The following COL23A1 variants were observed in gnomAD, a reference collection of about 807,000 sequenced individuals.
COL23A1 encodes the protein collagen type XXIII alpha 1 chain, also known as collagen alpha-1(XXIII) chain.
COL23A1 carries 97 observed loss-of-function variants against 99.3 expected under a neutral mutation model. The ratio of observed to expected loss-of-function variants is 0.98; its 90% CI spans 0.83 to 1.16. The LOEUF is 1.16. Among genes scored for constraint, COL23A1 ranks in the 50% most tolerant of loss-of-function variants. The pLI, the probability that COL23A1 is intolerant of heterozygous loss-of-function variation, is 0.00. For missense variants in COL23A1, 762 were observed against 757.4 expected (o/e 1.01, Z -0.07); for synonymous variants, 320 against 308.2 (o/e 1.04, Z -0.40).
intron 1 of COL23A1, among the ~76,000 whole-genome samples, chr5:178,563,154 C>G (rs1762687140): frequency 6.6e-6 from 1 of 152,208 alleles, no homozygotes; most frequent in African/African-American, 2.4e-5. Context: ...CTCTGCAAGT[C>G]CTTGACTTGC....
At chr5:178,412,149 G>A (rs1765088313) in intron 2 of COL23A1, among the ~76,000 whole-genome samples, 1 of 152,108 alleles carries the variant, frequency 6.6e-6, no homozygotes, top group Non-Finnish European at 1.5e-5. Context: ...AATAAATCAT[G>A]GTACATTCAC....
chr5:178,365,869 G>A lies in COL23A1; in HGVS notation c.362-58950C>T, dbSNP rs1222735856. ...CTCCTGGCCACATGGGGAGCTCCTC[G>A]AGGGCAAGGCCTGGGAACATCTGGA... On this transcript the variant is annotated intron_variant, in intron 2 of 28. Coordinates refer to ENST00000390654, the MANE Select transcript of COL23A1 (RefSeq NM_173465.4). This position sits in a 1 kb window ranked among gnomAD's most constrained non-coding sequence, Gnocchi z 5.2. Among the ~76,000 whole-genome samples the A allele has an allele frequency of 2.0e-5, 3 of 152,100 alleles. No individual in the cohort carries two copies. Among genetic ancestry groups the A allele is most frequent in the Non-Finnish European group, 4.4e-5 (3 of 68,014 alleles).
intron 2 of COL23A1, among the ~76,000 whole-genome samples, chr5:178,451,643 C>T (rs73336697): frequency 0.11 from 12,041 of 112,200 alleles, 1,731 homozygotes; most frequent in African/African-American, 0.36. Context: ...GGCGACAGAG[C>T]GAAACTCCAT....
At chr5:178,416,788 A>G (rs533057012) in intron 2 of COL23A1, among the ~76,000 whole-genome samples, 3 of 152,262 alleles carry the variant, frequency 2.0e-5, no homozygotes, top group Admixed American at 6.5e-5. Context: ...TGACCCCGGA[A>G]TCTAGTTTAA....
intron 8 of COL23A1, among the ~76,000 whole-genome samples, chr5:178,266,124 T>C (rs559117229): frequency 6.6e-6 from 1 of 152,190 alleles, no homozygotes; most frequent in East Asian, 1.9e-4. Context: ...CACTGCAACC[T>C]CTGCCTCCTG....
chr5:178,590,050 C>G lies in COL23A1; in HGVS notation c.148G>C (p.Ala50Pro). 3 of 1,347,792 alleles carry G rather than the reference C, an allele frequency of 2.2e-6. No individual in the cohort carries two copies. Among genetic ancestry groups the G allele is most frequent in the Non-Finnish European group, 2.9e-6 (3 of 1,046,036 alleles). The allele number at this position is 1,347,792 out of a possible 1,614,324, so 83.5% of individuals were successfully genotyped here. ...CLLLSVGSAA[A>P]CLLLGVQAAA... ...GCCTGGACACCCAGCAGCAGGCAGG[C>G]AGCCGCCGAGCCCACGGAGAGCAGC... The change falls in exon 1 of 29, where the codon GCC becomes CCC. Residue 50 changes from alanine (A) to proline (P), a missense_variant. Transcript: ENST00000390654. The surrounding 1 kb of genome is among the most constrained non-coding windows in gnomAD (Gnocchi z 5.7).
chr5:178,575,717 A>C (rs980397662), intron 1 of COL23A1, among the ~76,000 whole-genome samples: 2 of 152,198 alleles, frequency 1.3e-5, no homozygotes, highest in Non-Finnish European at 2.9e-5. Flanking sequence ...GATTGCTGTG[A>C]GAGCAGAAAC....
At chr5:178,263,178 T>C (rs769090073) in intron 9 of COL23A1, 30 bp downstream of exon 9, 72 of 1,521,654 alleles carry the variant, frequency 4.7e-5, no homozygotes, top group Non-Finnish European at 6.0e-5. Context: ...GGTCAAGTCC[T>C]GCGTGGCCCA....
At chr5:178,556,553 G>A (rs1762282903) in intron 2 of COL23A1, among the ~76,000 whole-genome samples, 2 of 151,792 alleles carry the variant, frequency 1.3e-5, no homozygotes, top group Non-Finnish European at 2.9e-5. Flanking sequence ...AACCTGGGAG[G>A]TGGAGGTTGC....
At chr5:178,257,406 C>A in intron 13 of COL23A1, 117 bp downstream of exon 13, 4 of 1,235,170 alleles carry the variant, frequency 3.2e-6, no homozygotes, top group Non-Finnish European at 4.7e-6. Flanking sequence ...CCGGCCTGCG[C>A]TGGGCACTGG....
intron 2 of COL23A1, among the ~76,000 whole-genome samples, chr5:178,553,928 C>T (rs760305594): frequency 1.4e-4 from 21 of 152,320 alleles, no homozygotes; most frequent in Admixed American, 5.2e-4. Context: ...GCTCTGAGGA[C>T]GCAGTGCCAG....
intron 2 of COL23A1, among the ~76,000 whole-genome samples, chr5:178,513,863 T>A (rs1267123288): frequency 3.5e-5 from 2 of 56,846 alleles, no homozygotes; most frequent in African/African-American, 7.2e-5. Flanking sequence ...TCTGCTTTTT[T>A]AAAAAATTAT....
intron 2 of COL23A1, among the ~76,000 whole-genome samples, chr5:178,447,006 G>A (rs1410266175): frequency 6.6e-6 from 1 of 152,038 alleles, no homozygotes; most frequent in East Asian, 1.9e-4. Context: ...AAGTAATGAT[G>A]GCTGTTAGGA....
intron 1 of COL23A1, among the ~76,000 whole-genome samples, chr5:178,567,514 G>A (rs183425790): frequency 1.3e-5 from 2 of 152,148 alleles, no homozygotes; most frequent in African/African-American, 2.4e-5. Context: ...ACACCAGGAC[G>A]GGCAGATTAC....
Position 178,313,318 on chromosome 5 carries a change from T to C in COL23A1, c.362-6399A>G, listed in dbSNP as rs190890165. Among the ~76,000 whole-genome samples, 1 of 152,140 alleles carries C rather than the reference T, an allele frequency of 6.6e-6. No homozygotes were observed. The highest frequency in any genetic ancestry group is 2.4e-5 in the African/African-American group (1 of 41,424). On this transcript the variant is annotated intron_variant, in intron 2 of 28. Coordinates refer to ENST00000390654, the MANE Select transcript of COL23A1 (RefSeq NM_173465.4). This position sits in a 1 kb window ranked among gnomAD's most constrained non-coding sequence, Gnocchi z 4.2. ...GTGAACATACTGAATGCCACTCAAG[T>C]GTACACTTAAGGATGGTTAAGACGG... is the stretch of plus-strand genomic sequence containing the variant.
At chr5:178,292,387 C>T (rs1188307313) in intron 3 of COL23A1, among the ~76,000 whole-genome samples, 1 of 152,230 alleles carries the variant, frequency 6.6e-6, no homozygotes, top group Admixed American at 6.5e-5. Flanking sequence ...CATGCAAGTC[C>T]TGCCCAACAG....
Position 178,307,005 on chromosome 5 carries a change from C to T in COL23A1, c.362-86G>A. On this transcript the variant is annotated intron_variant, in intron 2 of 28. Transcript: ENST00000390654. This position sits in a 1 kb window ranked among gnomAD's most constrained non-coding sequence, Gnocchi z 4.2. Reference sequence around the variant, plus strand: ...GGGCATGCCCCAGCCACCCACCTGTCCGCTCGCAACAGCTTTCTGGGAGTG... The same window carrying T: ...GGGCATGCCCCAGCCACCCACCTGTTCGCTCGCAACAGCTTTCTGGGAGTG... 2 of 1,000,334 alleles carry T rather than the reference C, an allele frequency of 2.0e-6. No homozygotes were observed. Among genetic ancestry groups the T allele is most frequent in the Non-Finnish European group, 2.8e-6 (2 of 718,816 alleles). 62.0% of individuals were successfully genotyped at this position (1,000,334 alleles called of 1,614,324 possible).
At chr5:178,282,153 C>T (rs777547489) in intron 5 of COL23A1, among the ~76,000 whole-genome samples, 8 of 151,844 alleles carry the variant, frequency 5.3e-5, no homozygotes, top group Non-Finnish European at 1.0e-4. Flanking sequence ...CACAGTGATA[C>T]AGAACTGGAC....
At chr5:178,240,728 G>C (rs1341768212) in intron 27 of COL23A1, among the ~76,000 whole-genome samples, 1 of 152,188 alleles carries the variant, frequency 6.6e-6, no homozygotes, top group African/African-American at 2.4e-5. Flanking sequence ...CCACTGCAGG[G>C]ATAAGGACAC....
Sources: gnomAD v4.1 joint callset for allele counts (sites outside exome capture counted in the v4.1 genomes callset) on GRCh38, gnomAD v4.1.1 for gene constraint, Gnocchi (gnomAD v3.1) non-coding constraint, MANE v1.5 for transcripts, NCBI Gene and HGNC (gene_info 2026-07-23, HGNC 2026-07-21) for gene names.